The following EYS variants were observed in gnomAD, a reference collection of about 807,000 sequenced individuals.
The protein encoded by EYS is EGF-like photoreceptor maintenance factor.
In EYS, 250 loss-of-function variants were observed where a neutral mutation model predicts 282.1. The observed-to-expected ratio is 0.89, with a 90% confidence interval of 0.80 to 0.98. EYS has a LOEUF of 0.98. Among genes scored for constraint, EYS ranks in the 50% least tolerant of loss-of-function variants. The pLI is 0.00. For missense variants in EYS, 4,016 were observed against 3,709.0 expected (o/e 1.08, Z -2.15); for synonymous variants, 1,355 against 1,282.9 (o/e 1.06, Z -1.20).
chr6:65,027,624 A>G (rs746411399), intron 13 of EYS, among the ~76,000 whole-genome samples: 1 of 152,022 alleles, frequency 6.6e-6, no homozygotes, highest in Non-Finnish European at 1.5e-5. Context: ...TTAGCTCTAC[A>G]TTTTCCTGAA....
intron 14 of EYS, among the ~76,000 whole-genome samples, chr6:64,961,636 C>A (rs898903547): frequency 6.6e-6 from 1 of 152,008 alleles, no homozygotes; most frequent in African/African-American, 2.4e-5. Flanking sequence ...TTCATCAGTA[C>A]AATGGAATAA....
At chr6:64,664,266 C>T (rs921402071) in intron 22 of EYS, among the ~76,000 whole-genome samples, 1 of 152,314 alleles carries the variant, frequency 6.6e-6, no homozygotes, top group African/African-American at 2.4e-5. Flanking sequence ...GTCCCTTCCC[C>T]TGTGCTCTCA....
intron 38 of EYS, 91 bp from the exon 39 acceptor site, chr6:63,788,340 G>T: frequency 9.1e-7 from 1 of 1,093,328 alleles, no homozygotes; most frequent in Non-Finnish European, 1.3e-6. Context: ...CATTAACTTG[G>T]CATGAAAAAT....
intron 35 of EYS, among the ~76,000 whole-genome samples, chr6:63,965,825 A>G (rs148755891): frequency 6.6e-6 from 1 of 152,334 alleles, no homozygotes; most frequent in African/African-American, 2.4e-5. Flanking sequence ...AAGACCCAGA[A>G]AACACAGCCT....
intron 1 of EYS, among the ~76,000 whole-genome samples, chr6:65,646,732 G>T (rs1347993881): frequency 6.6e-6 from 1 of 152,044 alleles, no homozygotes; most frequent in East Asian, 1.9e-4. Context: ...AAGTCAAACT[G>T]TCACTGTCTG....
intron 26 of EYS, among the ~76,000 whole-genome samples, chr6:64,555,620 T>C (rs958857566): frequency 4.0e-5 from 6 of 151,628 alleles, no homozygotes; most frequent in Non-Finnish European, 8.9e-5. Context: ...ATTTGTAATA[T>C]AAAAAATAAA....
chr6:64,262,480 C>G (rs1379180241), intron 30 of EYS, among the ~76,000 whole-genome samples: 1 of 151,840 alleles, frequency 6.6e-6, no homozygotes, highest in African/African-American at 2.4e-5. Context: ...GTTCTTCATT[C>G]TTAGTTGATG....
At chr6:64,093,321 T>C (rs1395310005) in intron 31 of EYS, among the ~76,000 whole-genome samples, 3 of 152,208 alleles carry the variant, frequency 2.0e-5, no homozygotes, top group African/African-American at 4.8e-5. Flanking sequence ...GGGGATGGCA[T>C]TGAATCTATA....
chr6:64,211,421 C>T (rs901638678), intron 31 of EYS, among the ~76,000 whole-genome samples: 8 of 151,888 alleles, frequency 5.3e-5, no homozygotes, highest in African/African-American at 7.3e-5. Context: ...TTTCTCATAC[C>T]ATCAATGGGT....
chr6:65,415,743 A>G (rs1767204981), intron 5 of EYS, among the ~76,000 whole-genome samples: 1 of 152,068 alleles, frequency 6.6e-6, no homozygotes, highest in Non-Finnish European at 1.5e-5. Context: ...AGCAAAGACA[A>G]AAATGAAGTC....
chr6:65,348,929 A>T (rs1213098882), intron 9 of EYS, among the ~76,000 whole-genome samples: 2 of 151,574 alleles, frequency 1.3e-5, no homozygotes, highest in East Asian at 1.9e-4. Flanking sequence ...TTCTTCCCCC[A>T]TCCAAATTTA....
chr6:64,937,629 T>C (rs949269445), intron 15 of EYS, among the ~76,000 whole-genome samples: 1 of 151,472 alleles, frequency 6.6e-6, no homozygotes, highest in Non-Finnish European at 1.5e-5. Flanking sequence ...AAGACAAACA[T>C]CAACAAATAT....
At chr6:64,744,437 G>A (rs905012377) in intron 22 of EYS, among the ~76,000 whole-genome samples, 7 of 152,016 alleles carry the variant, frequency 4.6e-5, no homozygotes, top group African/African-American at 1.7e-4. Context: ...GCCCAATATT[G>A]GGTTATTCTA....
At chr6:64,811,629 C>T (rs1014733122) in intron 22 of EYS, among the ~76,000 whole-genome samples, 13 of 151,998 alleles carry the variant, frequency 8.6e-5, no homozygotes, top group South Asian at 4.2e-4. Context: ...TTTGTTCTCT[C>T]GAGAAAAGAT....
chr6:65,247,615 A>T (rs1767212386), intron 12 of EYS, among the ~76,000 whole-genome samples: 1 of 152,102 alleles, frequency 6.6e-6, no homozygotes, highest in African/African-American at 2.4e-5. Context: ...GAGAAAACAT[A>T]TTCTCTTTCA....
chr6:63,950,586 G>A (rs143635026), intron 35 of EYS, among the ~76,000 whole-genome samples: 38 of 152,144 alleles, frequency 2.5e-4, no homozygotes, highest in East Asian at 2.3e-3. Flanking sequence ...ACATGGACGC[G>A]CGTGACATTT....
chr6:64,851,513 T>C (rs1397134651), intron 19 of EYS, among the ~76,000 whole-genome samples: 1 of 152,104 alleles, frequency 6.6e-6, no homozygotes, highest in Non-Finnish European at 1.5e-5. Context: ...TTATTTAGAT[T>C]AAATTGTAGA....
chr6:65,324,916 G>A (rs2017746), intron 11 of EYS, among the ~76,000 whole-genome samples: 79,531 of 152,100 alleles, frequency 0.52, 23,400 homozygotes, highest in East Asian at 0.9. Context: ...TGGGATTAAA[G>A]TGACAAAGCA....
At chr6:65,598,242 C>T (rs1268200047) in intron 2 of EYS, among the ~76,000 whole-genome samples, 1 of 84,622 alleles carries the variant, frequency 1.2e-5, no homozygotes, top group Admixed American at 1.6e-4. Flanking sequence ...CCACCCACCC[C>T]CCCCCCAAAA....
Sources: gnomAD v4.1 joint callset for allele counts (sites outside exome capture counted in the v4.1 genomes callset) on GRCh38, gnomAD v4.1.1 for gene constraint, MANE v1.5 for transcripts, NCBI Gene and HGNC (gene_info 2026-07-23, HGNC 2026-07-21) for gene names.